GRAMD1C: variants seen among roughly 807,000 people sequenced by gnomAD.
The protein encoded by GRAMD1C is protein Aster-C.
GRAMD1C carries 89 observed loss-of-function variants against 97.8 expected under a neutral mutation model. The observed-to-expected ratio is 0.91, with a 90% CI of 0.77 to 1.09. GRAMD1C has a LOEUF of 1.09. GRAMD1C is among the 50% of genes least tolerant of loss of function. The pLI, the probability that GRAMD1C is intolerant of heterozygous loss-of-function variation, is 0.00. For missense variants in GRAMD1C, 740 were observed against 766.4 expected, an observed-to-expected ratio of 0.97 and a Z score of 0.41; for synonymous variants, 256 against 267.0, an observed-to-expected ratio of 0.96 and a Z score of 0.40.
rs1031127868 is a variant in GRAMD1C, at chr3:113,886,755, G to GT, written c.540+3932dup. On this transcript the variant is annotated intron_variant, in intron 6 of 17. Transcript: ENST00000358160. ...AATAGACAATTCAGAACCAAAAGTT[G>GT]TTTTTTTTTGTTTGTTTGCTTGTTT... 2.3e-3 allele frequency among the ~76,000 whole-genome samples: 295 copies of GT among 129,614 alleles called. 1 individual carries two copies. The highest frequency in any genetic ancestry group is 7.9e-3 in the African/African-American group (276 of 35,060). The allele number at this position is 129,614 out of a possible 152,430, so 85.0% of individuals were successfully genotyped here.
chr3:113,840,332 A>G (rs892373693), intron 1 of GRAMD1C, among the ~76,000 whole-genome samples: 29 of 152,190 alleles, frequency 1.9e-4, no homozygotes, highest in African/African-American at 6.5e-4. Context: ...CCTCTCAAGC[A>G]GCACTAAAAT....
At chr3:113,866,249 C>T (rs1934581436) in intron 2 of GRAMD1C, among the ~76,000 whole-genome samples, 1 of 152,122 alleles carries the variant, frequency 6.6e-6, no homozygotes, top group South Asian at 2.1e-4. Flanking sequence ...TTTTGGGGTT[C>T]TGTTGTTTAT....
At chr3:113,892,203 T>C (rs902388562) in intron 6 of GRAMD1C, among the ~76,000 whole-genome samples, 7 of 151,974 alleles carry the variant, frequency 4.6e-5, no homozygotes, top group Non-Finnish European at 1.0e-4. Flanking sequence ...CCAGGTGCAG[T>C]GCTCACGCCT....
intron 1 of GRAMD1C, among the ~76,000 whole-genome samples, chr3:113,833,120 C>CTTTCTT (rs1433365897): frequency 4.6e-5 from 6 of 129,462 alleles, no homozygotes; most frequent in Non-Finnish European, 8.0e-5. Flanking sequence ...TTCTTTCTTT[C>CTTTCTT]TTTTTTTTTT....
intron 17 of GRAMD1C, among the ~76,000 whole-genome samples, chr3:113,940,683 G>A (rs1315778679): frequency 6.6e-6 from 1 of 151,798 alleles, no homozygotes; most frequent in East Asian, 1.9e-4. Flanking sequence ...ATAATATTAA[G>A]CTCTTTTTAC....
chr3:113,855,165 G>A (rs1934070342), intron 2 of GRAMD1C, among the ~76,000 whole-genome samples: 2 of 152,144 alleles, frequency 1.3e-5, no homozygotes, highest in African/African-American at 4.8e-5. Context: ...TACAAAATCA[G>A]CTGGGCATGG....
chr3:113,852,035 A>G (rs1411314797), intron 2 of GRAMD1C, among the ~76,000 whole-genome samples: 1 of 152,090 alleles, frequency 6.6e-6, no homozygotes, highest in African/African-American at 2.4e-5. Context: ...CTCCCGGCCT[A>G]TTCTGTACTT....
rs191950372 is a variant in GRAMD1C at position 113,867,219 on chromosome 3, C to T, written c.175-2288C>T. Among the ~76,000 whole-genome samples, 376 of 152,176 alleles carry T rather than the reference C, an allele frequency of 2.5e-3. 5 individuals are homozygous for T. Among genetic ancestry groups the T allele is most frequent in the Admixed American group, 0.02 (311 of 15,280 alleles). ...AATACCCATGTATTTATATTTCTGG[C>T]GGTTTTAATTTCTTCTGGTGAATTT... On this transcript the variant is annotated intron_variant, in intron 2 of 17. Transcript: ENST00000358160.
In GRAMD1C at chr3:113,882,833, G is replaced by A. The variant is rs764168207; in HGVS notation, c.540+1G>A. On this transcript the variant is annotated splice_donor_variant, in intron 6 of 17. Transcript: ENST00000358160. LOFTEE classifies it high-confidence loss of function. ...GTGGCAGAATGTATTATTAGATAAG[G>A]TAAGTGTTCATACCAGAGGCAGTTG... 2 of 1,483,756 alleles carry A rather than the reference G, an allele frequency of 1.3e-6. No individual in the cohort carries two copies. The highest frequency in any genetic ancestry group is 2.3e-5 in the East Asian group (1 of 44,212). The allele number at this position is 1,483,756 out of a possible 1,614,324, so 91.9% of individuals were successfully genotyped here. A position where few individuals can be genotyped will look rare whatever the true frequency, so the allele number is the denominator to read the frequency against.
intron 1 of GRAMD1C, among the ~76,000 whole-genome samples, chr3:113,833,126 T>G (rs1466240470): frequency 1.3e-4 from 19 of 149,668 alleles, no homozygotes; most frequent in African/African-American, 4.7e-4. Context: ...CTTTCTTTTT[T>G]TTTTTTTTTG....
chr3:113,923,447 T>A (rs185926208), intron 10 of GRAMD1C, among the ~76,000 whole-genome samples: 37 of 152,344 alleles, frequency 2.4e-4, no homozygotes, highest in African/African-American at 8.7e-4. Flanking sequence ...GTTCCTTCAG[T>A]GCCTGGTTTG....
chr3:113,899,042 A>G (rs928954400), intron 6 of GRAMD1C, among the ~76,000 whole-genome samples: 2 of 152,110 alleles, frequency 1.3e-5, no homozygotes, highest in Non-Finnish European at 2.9e-5. Flanking sequence ...AAAAGGAGGA[A>G]GAAAAAGGAA....
intron 9 of GRAMD1C, among the ~76,000 whole-genome samples, chr3:113,914,839 G>T (rs1006615063): frequency 6.6e-6 from 1 of 152,008 alleles, no homozygotes; most frequent in African/African-American, 2.4e-5. Context: ...CTGTGATTCT[G>T]TTTCCCCATC....
intron 11 of GRAMD1C, among the ~76,000 whole-genome samples, chr3:113,931,561 GT>G (rs1473779401): frequency 6.6e-6 from 1 of 151,992 alleles, no homozygotes; most frequent in East Asian, 1.9e-4. Flanking sequence ...GTTTCAGCAT[GT>G]TGGTTGGGCT....
intron 11 of GRAMD1C, 125 bp downstream of exon 11, chr3:113,930,957 CTG>C (rs1937396243): frequency 1.6e-6 from 1 of 608,364 alleles, no homozygotes; most frequent in Admixed American, 2.8e-5. Context: ...GGAGGAGAAA[CTG>C]TTACAGGTTA....
intron 2 of GRAMD1C, among the ~76,000 whole-genome samples, chr3:113,853,068 A>G (rs1283368266): frequency 2.0e-5 from 3 of 152,228 alleles, no homozygotes; most frequent in Admixed American, 6.5e-5. Flanking sequence ...AAAGACTACG[A>G]AAGTCATATG....
At chr3:113,881,424 C>T (rs1935257409) in intron 5 of GRAMD1C, among the ~76,000 whole-genome samples, 2 of 152,200 alleles carry the variant, frequency 1.3e-5, no homozygotes, top group African/African-American at 4.8e-5. Flanking sequence ...TCCCGAAATG[C>T]TGGGATTACA....
At chr3:113,842,213 A>C (rs1933359300) in intron 1 of GRAMD1C, among the ~76,000 whole-genome samples, 1 of 152,144 alleles carries the variant, frequency 6.6e-6, no homozygotes, top group South Asian at 2.1e-4. Context: ...AACTCCTAAG[A>C]TTGTAGGGGA....
At chr3:113,940,991 G>A (rs1937749129) in intron 17 of GRAMD1C, among the ~76,000 whole-genome samples, 1 of 152,142 alleles carries the variant, frequency 6.6e-6, no homozygotes, top group Non-Finnish European at 1.5e-5. Flanking sequence ...CTCCAGTCAG[G>A]TCCAGTGGCC....
Sources: allele counts gnomAD v4.1 joint callset (sites outside exome capture counted in the v4.1 genomes callset), GRCh38; gene constraint gnomAD v4.1.1; transcripts MANE v1.5; gene names NCBI Gene and HGNC (gene_info 2026-07-23, HGNC 2026-07-21).